Variants in DNER observed in about 807,000 individuals in gnomAD.
DNER encodes delta/notch like EGF repeat containing.
Under a neutral mutation model 78.2 loss-of-function variants are expected in DNER, and 33 were observed. The observed-to-expected ratio is 0.42, with a 90% CI of 0.32 to 0.56. The LOEUF (loss-of-function observed/expected upper bound fraction) is 0.56. Ranked by LOEUF, DNER falls within the 20% of genes least tolerant of loss-of-function variation. The probability of loss-of-function intolerance (pLI) is 0.11; values close to 1 mark genes in which losing one functional copy is unlikely to be tolerated. For missense variants in DNER, 918 were observed against 975.3 expected (o/e 0.94, Z 0.78); for synonymous variants, 417 against 384.8 (o/e 1.08, Z -0.98).
rs919686219 is a variant in DNER, at chr2:229,539,919, T to C, written c.993+7028A>G. On this transcript the variant is annotated intron_variant, in intron 5 of 12. Coordinates refer to ENST00000341772, the MANE Select transcript of DNER (RefSeq NM_139072.4). The stretch of plus-strand genomic sequence containing the variant: ...CATCCAGCACCCTGTCCCTGCGGCC[T>C]TGTAACTGCTTCTCAGAGGCTATGT... Among the ~76,000 whole-genome samples, 7 of 152,252 alleles carry C rather than the reference T, an allele frequency of 4.6e-5. 1 individual carries two copies. Among genetic ancestry groups the C allele is most frequent in the African/African-American group, 1.7e-4 (7 of 41,464 alleles).
rs1478705573 is a variant in DNER, at chr2:229,682,370, C to A, written c.276+31778G>T. 2.0e-5 allele frequency among the ~76,000 whole-genome samples: 3 copies of A among 152,278 alleles called. No homozygotes were observed. In the East Asian group the frequency reaches 5.8e-4, roughly 29 times the overall value. ...TTCTGATTAGTATAACTAAGGGTAA[C>A]TTTCATTTGCCTAGTAAGTTTGCTT... On this transcript the variant is annotated intron_variant, in intron 1 of 12. Transcript: ENST00000341772.
intron 5 of DNER, among the ~76,000 whole-genome samples, chr2:229,531,989 G>A (rs1349261802): frequency 6.6e-6 from 1 of 152,080 alleles, no homozygotes; most frequent in Non-Finnish European, 1.5e-5. Flanking sequence ...GGTTGACAGG[G>A]GTTGGGGGAA....
At chr2:229,703,029 C>G (rs1023477747) in intron 1 of DNER, among the ~76,000 whole-genome samples, 2 of 151,750 alleles carry the variant, frequency 1.3e-5, no homozygotes, top group Admixed American at 6.6e-5. Context: ...ATTTCTCTAG[C>G]TCCTCACCTG....
intron 1 of DNER, among the ~76,000 whole-genome samples, chr2:229,645,624 T>C (rs1698704741): frequency 6.6e-6 from 1 of 152,236 alleles, no homozygotes; most frequent in Non-Finnish European, 1.5e-5. Context: ...AAAGGGGTGC[T>C]ATTAATAATT....
chr2:229,531,461 A>C (rs7559081), intron 5 of DNER, among the ~76,000 whole-genome samples: 3,926 of 152,324 alleles, frequency 0.026, 173 homozygotes, highest in African/African-American at 0.089. Context: ...AAAGCACAAG[A>C]TACCAATTCA....
At chr2:229,495,923 G>A (rs1297712819) in intron 6 of DNER, among the ~76,000 whole-genome samples, 1 of 152,192 alleles carries the variant, frequency 6.6e-6, no homozygotes, top group Non-Finnish European at 1.5e-5. Flanking sequence ...CCTGGTGGGA[G>A]GTTGAGGTGG....
intron 4 of DNER, among the ~76,000 whole-genome samples, chr2:229,549,925 A>AATC (rs1219324228): frequency 6.6e-6 from 1 of 151,882 alleles, no homozygotes; most frequent in Non-Finnish European, 1.5e-5. Context: ...TAATAATAAT[A>AATC]ATAGAGCAAA....
chr2:229,481,385 G>T lies in DNER; in HGVS notation c.1148-4132C>A, dbSNP rs184192464. On this transcript the variant is annotated intron_variant, in intron 6 of 12. Transcript: ENST00000341772. ...GTGAAGACAGTTCTGGAAGAGGAGA[G>T]GCAGAGGACAAGGAGCCAGGAGCAT... Among the ~76,000 whole-genome samples the T allele has an allele frequency of 3.9e-5, 6 of 152,290 alleles. No individual in the cohort carries two copies. In the South Asian group the frequency reaches 1.2e-3, roughly 32 times the overall value.
chr2:229,474,757 C>T (rs1037556650), intron 7 of DNER, among the ~76,000 whole-genome samples: 15 of 152,150 alleles, frequency 9.9e-5, no homozygotes, highest in African/African-American at 3.4e-4. Flanking sequence ...CACTGCAAAG[C>T]CCCAGACTCG....
intron 7 of DNER, among the ~76,000 whole-genome samples, chr2:229,449,028 C>G (rs1694397803): frequency 6.6e-6 from 1 of 152,164 alleles, no homozygotes; most frequent in Non-Finnish European, 1.5e-5. Context: ...TGGTATTTCT[C>G]TGTGCAGTAT....
chr2:229,564,313 CCAT>C (rs1281369241), intron 4 of DNER, among the ~76,000 whole-genome samples: 3 of 142,030 alleles, frequency 2.1e-5, no homozygotes, highest in Non-Finnish European at 4.6e-5. Flanking sequence ...CACCCCATCA[CCAT>C]CATCATCTTC....
chr2:229,557,266 T>A (rs943624384), intron 4 of DNER, among the ~76,000 whole-genome samples: 2 of 152,228 alleles, frequency 1.3e-5, no homozygotes, highest in South Asian at 4.1e-4. Flanking sequence ...CAACATACTT[T>A]ATAAGAAATG....
intron 8 of DNER, among the ~76,000 whole-genome samples, chr2:229,425,593 C>T (rs934926633): frequency 5.3e-5 from 8 of 152,178 alleles, no homozygotes; most frequent in East Asian, 1.9e-4. Context: ...TCAACACTGT[C>T]GCAAGGCAGG....
chr2:229,510,779 C>T (rs150285410), intron 6 of DNER, among the ~76,000 whole-genome samples: 100 of 152,208 alleles, frequency 6.6e-4, no homozygotes, highest in Non-Finnish European at 9.3e-4. Context: ...AGGGGAGCCT[C>T]ACCTGGAGAT....
At chr2:229,528,409 T>G (rs1347147970) in intron 5 of DNER, among the ~76,000 whole-genome samples, 1 of 152,202 alleles carries the variant, frequency 6.6e-6, no homozygotes, top group Non-Finnish European at 1.5e-5. Context: ...CCATTAGAAA[T>G]TTTTCCAGCA....
Position 229,392,238 on chromosome 2 carries a change from C to A in DNER, c.1724-3842G>T, listed in dbSNP as rs146409910. Among the ~76,000 whole-genome samples the A allele has an allele frequency of 4.0e-3, 602 of 150,608 alleles. 6 individuals are homozygous for A. The highest frequency in any genetic ancestry group is 0.013 in the African/African-American group (544 of 40,988). ...GAATAACTGGCACCTGTCTTGCCTT[C>A]CCACTGTAAACAACTAGACAACTAG... On this transcript the variant is annotated intron_variant, in intron 10 of 12. Coordinates refer to ENST00000341772, the MANE Select transcript of DNER (RefSeq NM_139072.4).
chr2:229,524,824 T>A (rs1455084821), intron 5 of DNER, among the ~76,000 whole-genome samples: 2 of 152,208 alleles, frequency 1.3e-5, no homozygotes, highest in African/African-American at 4.8e-5. Context: ...TTTCAAACAC[T>A]CTGATCGCTC....
chr2:229,652,799 C>A (rs766932632), intron 1 of DNER, among the ~76,000 whole-genome samples: 1 of 152,208 alleles, frequency 6.6e-6, no homozygotes, highest in East Asian at 1.9e-4. Context: ...AAAAATAGTT[C>A]TTCACCTGCT....
intron 7 of DNER, among the ~76,000 whole-genome samples, chr2:229,469,797 G>A (rs1694885178): frequency 1.3e-5 from 2 of 152,186 alleles, no homozygotes; most frequent in South Asian, 4.1e-4. Context: ...ACAAAAAATA[G>A]CTGGGCATGG....
Sources: allele counts gnomAD v4.1 joint callset (sites outside exome capture counted in the v4.1 genomes callset), GRCh38; gene constraint gnomAD v4.1.1; transcripts MANE v1.5; gene names NCBI Gene and HGNC (gene_info 2026-07-23, HGNC 2026-07-21).